The following CYP4Z1 variants were observed in gnomAD, a reference collection of about 807,000 sequenced individuals.
CYP4Z1 encodes the protein cytochrome P450 4Z1.
CYP4Z1 carries 41 observed loss-of-function variants against 54.2 expected under a neutral mutation model. The ratio of observed to expected loss-of-function variants is 0.76; its 90% CI spans 0.59 to 0.98. CYP4Z1 has a LOEUF of 0.98. Among genes scored for constraint, CYP4Z1 ranks in the 50% least tolerant of loss-of-function variants. The pLI is 0.00. For missense variants in CYP4Z1, 513 were observed against 599.0 expected (o/e 0.86, Z 1.50); for synonymous variants, 163 against 206.2 (o/e 0.79, Z 1.79).
chr1:47,076,837 G>T (rs372385674), intron 2 of CYP4Z1, among the ~76,000 whole-genome samples: 1 of 50,938 alleles, frequency 2.0e-5, no homozygotes, highest in Admixed American at 2.5e-4. Context: ...AGAGCCAGAC[G>T]CTGTCTCAAA....
intron 6 of CYP4Z1, among the ~76,000 whole-genome samples, chr1:47,086,464 A>G (rs972720612): frequency 1.3e-5 from 2 of 152,256 alleles, no homozygotes; most frequent in African/African-American, 4.8e-5. Context: ...GCATTTTTTC[A>G]TGTGTCTGTT....
chr1:47,098,959 G>C (rs766627403), intron 7 of CYP4Z1, 135 bp from the exon 8 acceptor site: 47 of 1,068,114 alleles, frequency 4.4e-5, no homozygotes, highest in Non-Finnish European at 6.1e-5. Context: ...AAGTAAAATA[G>C]AAAAATATAT....
chr1:47,074,507 T>C (rs1468030282), intron 2 of CYP4Z1, among the ~76,000 whole-genome samples: 1 of 152,170 alleles, frequency 6.6e-6, no homozygotes, highest in African/African-American at 2.4e-5. Context: ...CCCCCTTTGG[T>C]ACATTTTTAG....
intron 2 of CYP4Z1, among the ~76,000 whole-genome samples, chr1:47,078,626 A>G (rs1262201944): frequency 7.6e-6 from 1 of 132,230 alleles, no homozygotes; most frequent in Non-Finnish European, 1.6e-5. Flanking sequence ...TTTTGTTTAA[A>G]ACTGAACATT....
At chr1:47,114,476 A>T (rs1341046595) in intron 9 of CYP4Z1, among the ~76,000 whole-genome samples, 1 of 152,334 alleles carries the variant, frequency 6.6e-6, no homozygotes, top group East Asian at 1.9e-4. Flanking sequence ...GCTTCTGCAC[A>T]GCAAAAGAAA....
chr1:47,106,241 A>T lies in CYP4Z1; in HGVS notation c.1181A>T (p.Asp394Val), dbSNP rs1305796096. 2 of 1,610,180 alleles carry T rather than the reference A, an allele frequency of 1.2e-6. No individual in the cohort carries two copies. Reference sequence around the variant, plus strand: ...CTCGACAAACCCATCACCTTTCCAGATGGACGCTCCTTACCTGCAGGTCTT... The same window carrying T: ...CTCGACAAACCCATCACCTTTCCAGTTGGACGCTCCTTACCTGCAGGTCTT... ...RLLDKPITFP[D>V]GRSLPAGITV... The change falls in exon 9 of 12, where the codon GAT becomes GTT. Residue 394 changes from aspartate to valine, a missense_variant. Asp to Val is a radical substitution (Grantham distance 152, BLOSUM62 -3). Transcript: ENST00000334194.
At chr1:47,107,246 A>T (rs1644763318) in intron 9 of CYP4Z1, among the ~76,000 whole-genome samples, 1 of 152,048 alleles carries the variant, frequency 6.6e-6, no homozygotes, top group South Asian at 2.1e-4. Context: ...CACATTTTAG[A>T]CAAACAGGAA....
At chr1:47,078,381 T>C (rs1644540600) in intron 2 of CYP4Z1, among the ~76,000 whole-genome samples, 2 of 151,864 alleles carry the variant, frequency 1.3e-5, no homozygotes, top group Non-Finnish European at 2.9e-5. Context: ...TATTTGTTTC[T>C]GTTTACAACT....
the CYP4Z1 span, among the ~76,000 whole-genome samples, chr1:47,055,658 G>A: frequency 1.3e-5 from 2 of 152,224 alleles, no homozygotes; most frequent in Non-Finnish European, 2.9e-5. Context: ...GAGGGTGTAT[G>A]TGTCGAGGAA....
chr1:47,099,032 C>A, intron 7 of CYP4Z1, 62 bp from the exon 8 acceptor site: 3 of 1,543,728 alleles, frequency 1.9e-6, no homozygotes, highest in Non-Finnish European at 2.7e-6. Flanking sequence ...ATCATTGCTA[C>A]AATTGAAAAA....
At chr1:47,076,844 C>CAAAAAAAAAAAAAAAAAAAAAAAAAAAAA (rs59854360) in intron 2 of CYP4Z1, among the ~76,000 whole-genome samples, 16 of 81,412 alleles carry the variant, frequency 2.0e-4, no homozygotes, top group East Asian at 1.0e-3. Context: ...GACGCTGTCT[C>CAAAAAAAAAAAAAAAAAAAAAAAAAAAAA]AAAAAAAAAA....
At chr1:47,057,015 C>T in the CYP4Z1 span, among the ~76,000 whole-genome samples, 136 of 152,032 alleles carry the variant, frequency 8.9e-4, no homozygotes, top group African/African-American at 2.6e-3. Flanking sequence ...TTCCTAGCTT[C>T]GATGGTCTTT....
At chr1:47,060,021 G>A in the CYP4Z1 span, among the ~76,000 whole-genome samples, 2 of 152,178 alleles carry the variant, frequency 1.3e-5, no homozygotes, top group African/African-American at 4.8e-5. Flanking sequence ...GCCAAGTTAT[G>A]CTTGCATCAT....
intron 8 of CYP4Z1, among the ~76,000 whole-genome samples, chr1:47,102,318 A>G (rs1480483962): frequency 6.6e-6 from 1 of 152,108 alleles, no homozygotes; most frequent in African/African-American, 2.4e-5. Flanking sequence ...TGTTTTGTAT[A>G]TACTTTGTTC....
chr1:47,056,245 G>A, the CYP4Z1 span, among the ~76,000 whole-genome samples: 2 of 152,146 alleles, frequency 1.3e-5, no homozygotes, highest in African/African-American at 2.4e-5. Flanking sequence ...TGAGTTTCTT[G>A]ATCCTGAGTT....
chr1:47,074,125 A>G (rs149827206), intron 2 of CYP4Z1, among the ~76,000 whole-genome samples: 142,778 of 152,184 alleles, frequency 0.94, 67,250 homozygotes, highest in East Asian at 1. Context: ...AAGAAGCCTA[A>G]AGTAGGGGCA....
intron 6 of CYP4Z1, among the ~76,000 whole-genome samples, chr1:47,092,761 G>C (rs1300008562): frequency 6.6e-6 from 1 of 151,420 alleles, no homozygotes; most frequent in African/African-American, 2.4e-5. Flanking sequence ...ATTTTTAGCT[G>C]CTGTGAGGGT....
At chr1:47,085,011 C>T (rs746687211) in intron 6 of CYP4Z1, 33 bp downstream of exon 6, 15 of 851,878 alleles carry the variant, frequency 1.8e-5, no homozygotes, top group Non-Finnish European at 2.7e-5. Context: ...CCAGAGTCCA[C>T]TATGAGACAT....
intron 2 of CYP4Z1, 79 bp downstream of exon 2, chr1:47,068,842 G>C: frequency 6.5e-7 from 1 of 1,526,922 alleles, no homozygotes; most frequent in Non-Finnish European, 8.8e-7. Flanking sequence ...GGGAAGGACA[G>C]GTTGAAGCAT....
Sources: gnomAD v4.1 joint callset for allele counts (sites outside exome capture counted in the v4.1 genomes callset) on GRCh38, gnomAD v4.1.1 for gene constraint, MANE v1.5 for transcripts, NCBI Gene and HGNC (gene_info 2026-07-23, HGNC 2026-07-21) for gene names.